TFG: variants seen among roughly 807,000 people sequenced by gnomAD.
TFG encodes protein TFG.
Under a neutral mutation model 51.4 loss-of-function variants are expected in TFG, and 22 were observed. The ratio of observed to expected loss-of-function variants is 0.43; its 90% CI spans 0.31 to 0.61. TFG has a LOEUF of 0.61. TFG is among the 20% of genes least tolerant of loss of function. TFG has a pLI of 0.12. For missense variants in TFG, 419 were observed against 487.7 expected (o/e 0.86, Z 1.33); for synonymous variants, 187 against 165.6 (o/e 1.13, Z -0.99).
chr3:100,713,605 A>G (rs1290978496), intron 1 of TFG, 38 bp from the exon 2 acceptor site: 8 of 1,004,664 alleles, frequency 8.0e-6, no homozygotes, highest in African/African-American at 6.6e-5. Context: ...CTTTTACGGT[A>G]TGTTTTGTTG....
chr3:100,728,562 T>C (rs2095082310), intron 3 of TFG, 150 bp from the exon 4 acceptor site: 2 of 614,422 alleles, frequency 3.3e-6, no homozygotes, highest in African/African-American at 3.9e-5. Context: ...CATAGAGAAT[T>C]CTTTTTTTTT....
chr3:100,711,283 A>T (rs1285808962), intron 1 of TFG, among the ~76,000 whole-genome samples: 1 of 152,026 alleles, frequency 6.6e-6, no homozygotes, highest in African/African-American at 2.4e-5. Flanking sequence ...TTGTATTTTT[A>T]GTAGAGACAG....
At position 100,713,862 on chromosome 3, in the gene TFG, A is replaced by G. The variant is rs766483726; in HGVS notation, c.177A>G (p.Lys59=). The G allele has an allele frequency of 2.0e-5, 31 of 1,525,316 alleles. No homozygotes were observed. Among genetic ancestry groups the G allele is most frequent in the Non-Finnish European group, 2.5e-5 (28 of 1,122,638 alleles). 94.5% of individuals were successfully genotyped at this position (1,525,316 alleles called of 1,614,324 possible). A position where few individuals can be genotyped will look rare whatever the true frequency, so the allele number is the denominator to read the frequency against. Residue 59 remains lysine (K), a synonymous_variant, in exon 2 of 8, where the codon AAA becomes AAG. Coordinates refer to ENST00000240851, the MANE Select transcript of TFG (RefSeq NM_006070.6). Reference sequence around the variant, plus strand: ...ATGATGAAGTAACAATAAAGTATAAAGATGAAGGTAAGAGTGTTTTTAAAG... The same window carrying G: ...ATGATGAAGTAACAATAAAGTATAAGGATGAAGGTAAGAGTGTTTTTAAAG... ...LSNDEVTIKY[K]DEDGDLITIF...
chr3:100,734,381 A>G (rs1354338122), intron 5 of TFG, among the ~76,000 whole-genome samples: 1 of 152,086 alleles, frequency 6.6e-6, no homozygotes, highest in African/African-American at 2.4e-5. Flanking sequence ...GGATTTGGAC[A>G]GAGTGTATAT....
chr3:100,748,276 A>G lies in TFG; in HGVS notation c.948A>G (p.Pro316=). Reference sequence around the variant, plus strand: ...CTCAACAACTGCCTGCTCAGCCGCCACAGCAGTACCAGGCGAGCAATTATC... The same window carrying G: ...CTCAACAACTGCCTGCTCAGCCGCCGCAGCAGTACCAGGCGAGCAATTATC... The part of the protein sequence containing the change: ...GQPQQLPAQP[P]QQYQASNYPA... Residue 316 remains proline (P), a synonymous_variant, in exon 8 of 8, where the codon CCA becomes CCG. Transcript: ENST00000240851. 6.2e-7 allele frequency: 1 copy of G among 1,614,074 alleles called. No homozygotes were observed. Among genetic ancestry groups the G allele is most frequent in the Non-Finnish European group, 8.5e-7 (1 of 1,179,982 alleles).
intron 6 of TFG, among the ~76,000 whole-genome samples, chr3:100,737,528 T>C (rs534152867): frequency 2.6e-5 from 4 of 152,244 alleles, no homozygotes; most frequent in Non-Finnish European, 4.4e-5. Flanking sequence ...GTGTGATTTT[T>C]GTATTGTCTA....
chr3:100,712,662 G>T (rs543108373), intron 1 of TFG, among the ~76,000 whole-genome samples: 1 of 152,158 alleles, frequency 6.6e-6, no homozygotes, highest in Non-Finnish European at 1.5e-5. Context: ...TAGACTCTGG[G>T]AATATGGAAA....
At chr3:100,721,311 A>G (rs1485209263) in intron 3 of TFG, among the ~76,000 whole-genome samples, 2 of 152,128 alleles carry the variant, frequency 1.3e-5, no homozygotes, top group Non-Finnish European at 2.9e-5. Context: ...GGCCTGATGT[A>G]CCAAAAGCTG....
At chr3:100,716,660 TG>T (rs1236378088) in intron 2 of TFG, among the ~76,000 whole-genome samples, 3 of 152,228 alleles carry the variant, frequency 2.0e-5, no homozygotes, top group Admixed American at 2.0e-4. Flanking sequence ...CTACCAATAA[TG>T]TGTAAGAGTT....
chr3:100,709,582 G>C lies in TFG; in HGVS notation c.-183G>C, dbSNP rs2095023195. 1 of 151,800 alleles carries C rather than the reference G, an allele frequency of 6.6e-6. No homozygotes were observed. Among genetic ancestry groups the C allele is most frequent in the East Asian group, 2.0e-4 (1 of 5,076 alleles). The allele number at this position is 151,800 out of a possible 1,614,324, so 9.4% of individuals were successfully genotyped here. The stretch of plus-strand genomic sequence containing the variant: ...TTGGCCGGGGCCCGCGCGAGCCTGC[G>C]AGCGAGGTGCGGCGGTCGCGAAGGG... On this transcript the variant is annotated 5_prime_UTR_variant, in exon 1 of 8. Transcript: ENST00000240851.
chr3:100,742,396 G>T (rs1030496469), intron 6 of TFG: 3 of 152,152 alleles, frequency 2.0e-5, no homozygotes, highest in Non-Finnish European at 4.4e-5. Flanking sequence ...GTGAGTTATA[G>T]ATACATTTAA....
intron 6 of TFG, among the ~76,000 whole-genome samples, chr3:100,737,618 A>G (rs563076150): frequency 6.6e-6 from 1 of 152,356 alleles, no homozygotes; most frequent in South Asian, 2.1e-4. Flanking sequence ...TTAACGGGTC[A>G]GATAGTGGTA....
chr3:100,713,116 C>T (rs544406025), intron 1 of TFG, among the ~76,000 whole-genome samples: 5 of 152,200 alleles, frequency 3.3e-5, no homozygotes, highest in Non-Finnish European at 7.3e-5. Context: ...AGGTAAAAAG[C>T]AGGCAGACTG....
At position 100,744,905 on chromosome 3, in the gene TFG, C is replaced by T; in HGVS notation, c.794C>T (p.Pro265Leu). Reference sequence around the variant, plus strand: ...CAGCCGCAGGCTCCACCTCAGCAGCCTCAACAGTATGGTATTCAGTATTCA... The same window carrying T: ...CAGCCGCAGGCTCCACCTCAGCAGCTTCAACAGTATGGTATTCAGTATTCA... ...AQQPQAPPQQ[P>L]QQYGIQYSAS... The change falls in exon 7 of 8, where the codon CCT (proline) becomes CTT (leucine). Residue 265 changes from proline (P) to leucine (L), a missense_variant. Pro to Leu is a moderately conservative substitution (Grantham distance 98, BLOSUM62 -3). This residue lies in a region of TFG where 391 missense variants were observed against 434.4 expected (regional missense o/e 0.90). Coordinates refer to ENST00000240851, the MANE Select transcript of TFG (RefSeq NM_006070.6). 6 of 1,613,404 alleles carry T rather than the reference C, an allele frequency of 3.7e-6. No individual in the cohort carries two copies. Among genetic ancestry groups the T allele is most frequent in the African/African-American group, 1.3e-5 (1 of 74,976 alleles).
At chr3:100,725,953 A>G (rs1165116815) in intron 3 of TFG, among the ~76,000 whole-genome samples, 1 of 152,218 alleles carries the variant, frequency 6.6e-6, no homozygotes, top group Non-Finnish European at 1.5e-5. Flanking sequence ...GATGGAACCA[A>G]TAAGATACAT....
At chr3:100,717,519 GTTC>G (rs1337211395) in intron 2 of TFG, among the ~76,000 whole-genome samples, 2 of 149,174 alleles carry the variant, frequency 1.3e-5, no homozygotes, top group Non-Finnish European at 3.0e-5. Context: ...AACAATATTT[GTTC>G]TTATATAAGC....
At chr3:100,745,255 C>G (rs538171180) in intron 7 of TFG, among the ~76,000 whole-genome samples, 2 of 152,080 alleles carry the variant, frequency 1.3e-5, no homozygotes, top group African/African-American at 4.8e-5. Flanking sequence ...TCCCCCTTCC[C>G]TCCACCTCTC....
chr3:100,736,127 T>G (rs2095105518), intron 5 of TFG, among the ~76,000 whole-genome samples: 1 of 152,138 alleles, frequency 6.6e-6, no homozygotes, highest in South Asian at 2.1e-4. Flanking sequence ...AAGGTTAGTT[T>G]AGCTGAAAGG....
chr3:100,711,603 T>C (rs908140681), intron 1 of TFG, among the ~76,000 whole-genome samples: 4 of 152,134 alleles, frequency 2.6e-5, no homozygotes, highest in Admixed American at 2.0e-4. Context: ...TCTCCCATAA[T>C]TAAAAAATTT....
Sources: gnomAD v4.1 joint callset for allele counts (sites outside exome capture counted in the v4.1 genomes callset) on GRCh38, gnomAD v4.1.1 for gene constraint, gnomAD v4.1.1 regional missense constraint, MANE v1.5 for transcripts, NCBI Gene and HGNC (gene_info 2026-07-23, HGNC 2026-07-21) for gene names.